Variants in SH3BP5 observed in about 807,000 individuals in gnomAD.
SH3BP5 encodes SH3 domain binding protein 5, also known as SH3 domain-binding protein 5.
Under a neutral mutation model 43.3 loss-of-function variants are expected in SH3BP5, and 22 were observed. The observed-to-expected ratio is 0.51, with a 90% CI of 0.36 to 0.73. SH3BP5 has a LOEUF of 0.73. Among genes scored for constraint, SH3BP5 ranks in the 30% least tolerant of loss-of-function variants. The pLI, the probability that SH3BP5 is intolerant of heterozygous loss-of-function variation, is 0.00. For missense variants in SH3BP5, 529 were observed against 586.9 expected, an observed-to-expected ratio of 0.90 and a Z score of 1.02; for synonymous variants, 255 against 225.8, an observed-to-expected ratio of 1.13 and a Z score of -1.16.
chr3:15,265,556 AC>A (rs1696611327), intron 4 of SH3BP5, among the ~76,000 whole-genome samples: 1 of 137,896 alleles, frequency 7.3e-6, no homozygotes, highest in Admixed American at 7.1e-5. Context: ...ACACACACAC[AC>A]ACAACCCTCC....
intron 3 of SH3BP5, among the ~76,000 whole-genome samples, chr3:15,270,198 A>G (rs1285263467): frequency 6.6e-6 from 1 of 152,186 alleles, no homozygotes; most frequent in Non-Finnish European, 1.5e-5. Context: ...AGCCTTTCTC[A>G]GAAGCTCTGC....
In SH3BP5 at chr3:15,256,296, C is replaced by G. The variant is rs115681335; in HGVS notation, c.1158G>C (p.Arg386Ser). The change falls in exon 9 of 9, where the codon AGG becomes AGC. Residue 386 changes from arginine (R) to serine (S), a missense_variant. Physicochemically the swap from Arg to Ser is moderately radical, Grantham distance 110 (BLOSUM62 -1). This residue lies in a region of SH3BP5 where 369 missense variants were observed against 384.3 expected (regional missense o/e 0.96). Coordinates refer to ENST00000383791, the MANE Select transcript of SH3BP5 (RefSeq NM_004844.5). ...TTGTTTTATTCTCTGCCCCTTCTGC[C>G]CTGTCTCCTATAGAAATACAAGGAT... ...SPECEVERGD[R>S]AEGAENKTSD... 2 of 1,612,232 alleles carry G rather than the reference C, an allele frequency of 1.2e-6. No individual in the cohort carries two copies. Among genetic ancestry groups the G allele is most frequent in the South Asian group, 2.2e-5 (2 of 91,076 alleles).
chr3:15,328,163 C>T lies in SH3BP5; in HGVS notation c.201+2341G>A, dbSNP rs187967867. ...GCCACCCCCCTCACACCCTCCAGTTCGCCTCTCACACGGTTCCAAATGCTC... is the reference window on the plus strand; with the variant it reads ...GCCACCCCCCTCACACCCTCCAGTTTGCCTCTCACACGGTTCCAAATGCTC... On this transcript the variant is annotated intron_variant, in intron 2 of 8. Coordinates refer to ENST00000383791, the MANE Select transcript of SH3BP5 (RefSeq NM_004844.5). Among the ~76,000 whole-genome samples the T allele has an allele frequency of 1.5e-3, 228 of 152,186 alleles. 1 individual carries two copies. The highest frequency in any genetic ancestry group is 4.9e-3 in the African/African-American group (203 of 41,512).
intron 3 of SH3BP5, among the ~76,000 whole-genome samples, chr3:15,277,379 A>G (rs549356993): frequency 6.6e-6 from 1 of 152,292 alleles, no homozygotes; most frequent in East Asian, 1.9e-4. Flanking sequence ...TCAAGGACAC[A>G]GTGGCCACCG....
At chr3:15,319,054 G>C (rs1698255275) in intron 2 of SH3BP5, among the ~76,000 whole-genome samples, 1 of 152,214 alleles carries the variant, frequency 6.6e-6, no homozygotes, top group African/African-American at 2.4e-5. Flanking sequence ...AATAGCCCAA[G>C]GGGCTTTAGA....
At chr3:15,305,065 C>T (rs935506597) in intron 2 of SH3BP5, among the ~76,000 whole-genome samples, 2 of 150,904 alleles carry the variant, frequency 1.3e-5, no homozygotes, top group African/African-American at 2.4e-5. Context: ...TGCAGTGAGC[C>T]GAGATCGTGC....
chr3:15,304,031 A>C (rs1411174038), intron 3 of SH3BP5, 72 bp downstream of exon 3: 14 of 1,289,604 alleles, frequency 1.1e-5, no homozygotes, highest in Non-Finnish European at 1.5e-5. Flanking sequence ...CAGGTGATAC[A>C]GTCAAAGGCA....
At position 15,338,265 on chromosome 3, in the gene SH3BP5, C is replaced by T. The variant is rs543765619; in HGVS notation, c.-402+2958G>A. Among the ~76,000 whole-genome samples, 102 of 152,220 alleles carry T rather than the reference C, an allele frequency of 6.7e-4. 1 individual carries two copies. Among genetic ancestry groups the T allele is most frequent in the African/African-American group, 2.1e-3 (89 of 41,524 alleles). On this transcript the variant is annotated intron_variant, in intron 1 of 8. Coordinates refer to the SH3BP5 transcript ENST00000408919. ...GGCTGAGATGGGAGGATTGCTTGCA[C>T]CCAGGAGGTTGAGGCTGAAGTGAAC...
At chr3:15,333,728 G>A (rs1389850183), upstream of SH3BP5, among the ~76,000 whole-genome samples, 2 of 152,164 alleles carry the variant, frequency 1.3e-5, no homozygotes, top group Non-Finnish European at 2.9e-5. Context: ...CATACACGCT[G>A]GCACTGTAGT....
chr3:15,332,226 C>A, intron 1 of SH3BP5, 45 bp downstream of exon 1: 2 of 1,549,294 alleles, frequency 1.3e-6, no homozygotes, highest in Non-Finnish European at 1.7e-6. Flanking sequence ...ACCTCCGTAG[C>A]AGCCCTCGCG....
chr3:15,259,209 T>C, intron 6 of SH3BP5, 159 bp from the exon 7 acceptor site: 1 of 639,304 alleles, frequency 1.6e-6, no homozygotes, highest in Non-Finnish European at 2.7e-6. Context: ...TGCTATTCAT[T>C]CACCAGACAA....
chr3:15,265,990 C>A (rs1020941161), intron 4 of SH3BP5, among the ~76,000 whole-genome samples: 2 of 152,166 alleles, frequency 1.3e-5, no homozygotes, highest in African/African-American at 2.4e-5. Context: ...ATGGCCCAAC[C>A]GGCTTAGTAG....
intron 4 of SH3BP5, 28 bp from the exon 5 acceptor site, chr3:15,262,317 G>C: frequency 1.9e-6 from 3 of 1,596,722 alleles, no homozygotes; most frequent in Non-Finnish European, 1.7e-6. Context: ...GTTCAGCCCA[G>C]TCCAGCCCAG....
At chr3:15,331,712 G>A (rs2124830843) in intron 1 of SH3BP5, 1 of 152,484 alleles carries the variant, frequency 6.6e-6, no homozygotes, top group African/African-American at 2.4e-5. Context: ...AGAACGTTGA[G>A]CCAGTGATGA....
chr3:15,333,370 C>T, upstream of SH3BP5: 3 of 583,846 alleles, frequency 5.1e-6, no homozygotes, highest in Non-Finnish European at 4.3e-6. Flanking sequence ...CATGGCTGCT[C>T]ACGTCTCCTT....
At chr3:15,273,044 A>C in intron 3 of SH3BP5, 2 of 743,558 alleles carry the variant, frequency 2.7e-6, no homozygotes, top group Non-Finnish European at 3.3e-6. Context: ...GCTGCTGGGA[A>C]CGAGAGGAAG....
At chr3:15,262,738 G>A (rs1003623382) in intron 4 of SH3BP5, among the ~76,000 whole-genome samples, 2 of 151,946 alleles carry the variant, frequency 1.3e-5, no homozygotes, top group Admixed American at 6.6e-5. Context: ...TGGGTGGATC[G>A]CCTAAGGTCA....
chr3:15,282,819 G>C (rs1253977058), intron 3 of SH3BP5, among the ~76,000 whole-genome samples: 1 of 152,024 alleles, frequency 6.6e-6, no homozygotes, highest in South Asian at 2.1e-4. Flanking sequence ...AAAGCTAGAG[G>C]GGGAGGGTGG....
upstream of SH3BP5, among the ~76,000 whole-genome samples, chr3:15,334,741 A>G (rs1698681296): frequency 6.6e-6 from 1 of 151,962 alleles, no homozygotes; most frequent in South Asian, 2.1e-4. Context: ...GCTTGAGCTC[A>G]GGAGTTCAAG....
Sources: allele counts gnomAD v4.1 joint callset (sites outside exome capture counted in the v4.1 genomes callset), GRCh38; gene constraint gnomAD v4.1.1; regional missense constraint gnomAD v4.1.1; transcripts MANE v1.5; gene names NCBI Gene and HGNC (gene_info 2026-07-23, HGNC 2026-07-21).